UGGT2: variants seen among roughly 807,000 people sequenced by gnomAD.
UGGT2 encodes the protein UDP-glucose:glycoprotein glucosyltransferase 2.
UGGT2 carries 180 observed loss-of-function variants against 192.1 expected under a neutral mutation model. The ratio of observed to expected loss-of-function variants is 0.94; its 90% CI spans 0.83 to 1.06. UGGT2 has a LOEUF of 1.06. Ranked by LOEUF, UGGT2 falls within the 50% of genes least tolerant of loss-of-function variation. The pLI is 0.00. For synonymous variants in UGGT2, 580 were observed against 591.0 expected (o/e 0.98, Z 0.27); for missense variants, 1,849 against 1,795.7 (o/e 1.03, Z -0.54).
chr13:95,937,127 T>C (rs1248352360), intron 16 of UGGT2, 39 bp from the exon 17 acceptor site: 1 of 1,549,658 alleles, frequency 6.5e-7, no homozygotes, highest in Non-Finnish European at 8.6e-7. Flanking sequence ...AAACAAAATA[T>C]GATTGTTTGA....
intron 33 of UGGT2, among the ~76,000 whole-genome samples, chr13:95,858,132 T>C (rs1481154437): frequency 6.6e-6 from 1 of 151,908 alleles, no homozygotes; most frequent in Non-Finnish European, 1.5e-5. Flanking sequence ...GCTGTGTTTC[T>C]AATTAGCTGT....
At chr13:95,901,122 C>A (rs1482603341) in intron 21 of UGGT2, among the ~76,000 whole-genome samples, 184 bp from the exon 22 acceptor site, 2 of 151,964 alleles carry the variant, frequency 1.3e-5, no homozygotes, top group Non-Finnish European at 2.9e-5. Flanking sequence ...TCATTTATAA[C>A]ATGCTTAAAT....
At chr13:95,979,560 A>AAAAAAAAAC (rs1444306030) in intron 10 of UGGT2, among the ~76,000 whole-genome samples, 1 of 151,370 alleles carries the variant, frequency 6.6e-6, no homozygotes, top group Non-Finnish European at 1.5e-5. Flanking sequence ...AAAAAAAAAA[A>AAAAAAAAAC]AATACAGACT....
At chr13:95,986,702 T>C (rs2051301566) in intron 8 of UGGT2, among the ~76,000 whole-genome samples, 1 of 152,076 alleles carries the variant, frequency 6.6e-6, no homozygotes, top group Non-Finnish European at 1.5e-5. Flanking sequence ...TGAAAAGAAA[T>C]GCTCTCGCAA....
intron 17 of UGGT2, among the ~76,000 whole-genome samples, chr13:95,932,539 G>C (rs953691481): frequency 9.9e-5 from 15 of 152,122 alleles, no homozygotes; most frequent in Non-Finnish European, 1.6e-4. Flanking sequence ...CATATCATCA[G>C]TGAAGAGAGA....
intron 12 of UGGT2, among the ~76,000 whole-genome samples, chr13:95,958,155 AT>A (rs879372795): frequency 2.3e-3 from 332 of 145,230 alleles, no homozygotes; most frequent in Middle Eastern, 3.6e-3. Flanking sequence ...AGAAGGCAGA[AT>A]TTTTTTTTTT....
chr13:95,887,831 G>T, intron 26 of UGGT2, 61 bp downstream of exon 26: 2 of 1,052,548 alleles, frequency 1.9e-6, no homozygotes, highest in Non-Finnish European at 2.9e-6. Flanking sequence ...AACAATGATT[G>T]TTTTTTTCTT....
chr13:95,859,164 C>A (rs1038072041), intron 33 of UGGT2, among the ~76,000 whole-genome samples: 2 of 152,086 alleles, frequency 1.3e-5, no homozygotes, highest in Non-Finnish European at 2.9e-5. Context: ...ATACACTACA[C>A]AGACGAAAGA....
chr13:95,905,990 G>C (rs2048278962), intron 20 of UGGT2, among the ~76,000 whole-genome samples: 1 of 151,898 alleles, frequency 6.6e-6, no homozygotes, highest in African/African-American at 2.4e-5. Flanking sequence ...TCTACTTCTG[G>C]GTTCTCTATT....
At chr13:96,031,397 T>C (rs574969605) in intron 2 of UGGT2, among the ~76,000 whole-genome samples, 1 of 152,156 alleles carries the variant, frequency 6.6e-6, no homozygotes, top group Admixed American at 6.5e-5. Context: ...CTCAAACTCC[T>C]GGGTTCAAGT....
At chr13:95,877,114 C>A (rs1212841317) in intron 29 of UGGT2, 165 bp downstream of exon 29, 9 of 487,254 alleles carry the variant, frequency 1.8e-5, no homozygotes, top group Non-Finnish European at 3.2e-5. Context: ...GAACTCCTGG[C>A]CTTGTGATCT....
At chr13:95,871,051 C>G (rs73558612) in intron 29 of UGGT2, among the ~76,000 whole-genome samples, 1,631 of 152,058 alleles carry the variant, frequency 0.011, 31 homozygotes, top group African/African-American at 0.037. Context: ...GTTACAGCAG[C>G]AAAAAATGGC....
chr13:95,813,754 A>G (rs1208840808), intron 38 of UGGT2, among the ~76,000 whole-genome samples: 1 of 152,234 alleles, frequency 6.6e-6, no homozygotes, highest in Admixed American at 6.5e-5. Context: ...CCTTTGCAGC[A>G]GCCCTTCCCA....
At chr13:96,050,716 C>A (rs2053459441) in intron 1 of UGGT2, among the ~76,000 whole-genome samples, 2 of 152,176 alleles carry the variant, frequency 1.3e-5, no homozygotes, top group South Asian at 2.1e-4. Context: ...ATGCAACCAA[C>A]AGACACATGA....
intron 2 of UGGT2, among the ~76,000 whole-genome samples, chr13:96,024,828 G>C (rs1324713371): frequency 6.6e-6 from 1 of 152,204 alleles, no homozygotes; most frequent in African/African-American, 2.4e-5. Flanking sequence ...TGCAACACCA[G>C]ATACTCTCTT....
intron 1 of UGGT2, among the ~76,000 whole-genome samples, chr13:96,047,781 G>A (rs1211013919): frequency 2.0e-5 from 3 of 152,094 alleles, no homozygotes; most frequent in Non-Finnish European, 4.4e-5. Context: ...AACAAGAAGA[G>A]CTAACTATCC....
chr13:95,923,687 C>A (rs2048922211), intron 20 of UGGT2, among the ~76,000 whole-genome samples: 1 of 152,286 alleles, frequency 6.6e-6, no homozygotes, highest in African/African-American at 2.4e-5. Flanking sequence ...TTCAATGTTA[C>A]TAAATATTTC....
chr13:95,801,876 C>T, intron 38 of UGGT2, 64 bp from the exon 39 acceptor site: 1 of 1,587,824 alleles, frequency 6.3e-7, no homozygotes, highest in Non-Finnish European at 8.6e-7. Flanking sequence ...TTAAATATTA[C>T]TTACATATGA....
At chr13:96,036,137 A>G (rs2052994511) in intron 1 of UGGT2, among the ~76,000 whole-genome samples, 1 of 152,246 alleles carries the variant, frequency 6.6e-6, no homozygotes, top group South Asian at 2.1e-4. Flanking sequence ...ACAATAGCGA[A>G]GACATGGCAT....
Sources: allele counts gnomAD v4.1 joint callset (sites outside exome capture counted in the v4.1 genomes callset), GRCh38; gene constraint gnomAD v4.1.1; transcripts MANE v1.5; gene names NCBI Gene and HGNC (gene_info 2026-07-23, HGNC 2026-07-21).